The following FAM210A variants were observed in gnomAD, a reference collection of about 807,000 sequenced individuals.
FAM210A encodes mitochondrial inner membrane scaffold 1.
In FAM210A, 13 loss-of-function variants were observed where a neutral mutation model predicts 25.3. That is an observed-to-expected ratio of 0.51 (90% CI 0.33 to 0.82). The LOEUF is 0.82. Among genes scored for constraint, FAM210A ranks in the 40% least tolerant of loss-of-function variants. FAM210A has a pLI of 0.02. For missense variants in FAM210A, 319 were observed against 323.2 expected (o/e 0.99, Z 0.10); for synonymous variants, 125 against 118.7 (o/e 1.05, Z -0.35).
chr18:13,725,421 G>C (rs1009259502), intron 1 of FAM210A, among the ~76,000 whole-genome samples: 1 of 152,192 alleles, frequency 6.6e-6, no homozygotes, highest in Admixed American at 6.5e-5. Flanking sequence ...GAAGTGATTA[G>C]ATTGGAAAGC....
chr18:13,689,477 C>A (rs1376350703), intron 1 of FAM210A, among the ~76,000 whole-genome samples: 1 of 152,184 alleles, frequency 6.6e-6, no homozygotes, highest in East Asian at 1.9e-4. Context: ...AATTTCTCAG[C>A]AAACTTGGAG....
At chr18:13,683,807 C>A (rs1391857140) in intron 1 of FAM210A, among the ~76,000 whole-genome samples, 1 of 152,116 alleles carries the variant, frequency 6.6e-6, no homozygotes. Flanking sequence ...ACAGTGAGAT[C>A]TGAATTAGCA....
At position 13,711,009 on chromosome 18, in the gene FAM210A, CAAGA is replaced by C. The variant is rs531539734; in HGVS notation, c.-29+15316_-29+15319del. On this transcript the variant is annotated intron_variant, in intron 1 of 3. Coordinates refer to ENST00000651643, the MANE Select transcript of FAM210A (RefSeq NM_152352.4). ...CTTCATTGTTGTATAGATATGCCAT[CAAGA>C]AAGTAGGTCTTTATGTGATGTTTGC... Among the ~76,000 whole-genome samples, 43 of 152,344 alleles carry C rather than the reference CAAGA, an allele frequency of 2.8e-4. No homozygotes were observed. The South Asian group carries it at 8.5e-3, about 30-fold the overall frequency.
intron 3 of FAM210A, among the ~76,000 whole-genome samples, chr18:13,667,360 CT>C (rs1344278154): frequency 1.3e-5 from 2 of 152,196 alleles, no homozygotes; most frequent in African/African-American, 4.8e-5. Context: ...AGGACCAATA[CT>C]AAATAGCAGA....
At chr18:13,680,017 T>C (rs2043538018) in intron 2 of FAM210A, among the ~76,000 whole-genome samples, 1 of 152,210 alleles carries the variant, frequency 6.6e-6, no homozygotes, top group East Asian at 1.9e-4. Flanking sequence ...AGCTTGAATT[T>C]CTCCCTCTAA....
chr18:13,683,610 C>T (rs973328867), intron 1 of FAM210A, among the ~76,000 whole-genome samples: 1 of 144,128 alleles, frequency 6.9e-6, no homozygotes, highest in African/African-American at 2.6e-5. Context: ...CAGATAATTA[C>T]TTAGCCTCTC....
At chr18:13,700,226 G>A (rs968768526) in intron 1 of FAM210A, among the ~76,000 whole-genome samples, 2 of 152,132 alleles carry the variant, frequency 1.3e-5, no homozygotes, top group African/African-American at 4.8e-5. Flanking sequence ...TCCCACCTTG[G>A]GTTCAATTAA....
chr18:13,690,509 G>A (rs2043634416), intron 1 of FAM210A, among the ~76,000 whole-genome samples: 1 of 152,178 alleles, frequency 6.6e-6, no homozygotes, highest in Non-Finnish European at 1.5e-5. Flanking sequence ...CTCCCAGTAG[G>A]GGCCGACTGA....
At chr18:13,697,528 A>G in intron 1 of FAM210A, 1 of 162,208 alleles carries the variant, frequency 6.2e-6, no homozygotes, top group Non-Finnish European at 1.3e-5. Flanking sequence ...GGTTCTTAAA[A>G]AGATAAACAT....
intron 1 of FAM210A, among the ~76,000 whole-genome samples, chr18:13,697,268 A>C (rs1416467505): frequency 6.6e-6 from 1 of 152,214 alleles, no homozygotes; most frequent in Non-Finnish European, 1.5e-5. Flanking sequence ...CAAAATGGGA[A>C]AAAGATCTGA....
At chr18:13,682,522 C>G (rs761701565) in intron 1 of FAM210A, among the ~76,000 whole-genome samples, 12 of 152,090 alleles carry the variant, frequency 7.9e-5, no homozygotes, top group Admixed American at 6.5e-4. Flanking sequence ...GATCTGAGAT[C>G]GGGCCACTGC....
intron 1 of FAM210A, among the ~76,000 whole-genome samples, chr18:13,706,461 G>A (rs1052991464): frequency 5.9e-5 from 9 of 152,068 alleles, no homozygotes; most frequent in Admixed American, 5.2e-4. Context: ...GATAAAACAC[G>A]AAGCCCCAAT....
rs929569552 is a variant in FAM210A, at chr18:13,681,781, A to G, written c.297T>C (p.Ser99=). 1 of 1,614,174 alleles carries G rather than the reference A, an allele frequency of 6.2e-7. No individual in the cohort carries two copies. Among genetic ancestry groups the G allele is most frequent in the Non-Finnish European group, 8.5e-7 (1 of 1,180,042 alleles). Residue 99 remains serine, a synonymous_variant, in exon 2 of 4, where the codon AGT becomes AGC. Coordinates refer to ENST00000651643, the MANE Select transcript of FAM210A (RefSeq NM_152352.4). ...HVSFRRVFSS[S]ATAQGTPEKK... is the part of the protein sequence containing the mutation. ...TTTCCGGAGTTCCCTGAGCTGTGGCACTGGATGAAAAAACCCTCCTGAATG... is the reference window on the plus strand; with the variant it reads ...TTTCCGGAGTTCCCTGAGCTGTGGCGCTGGATGAAAAAACCCTCCTGAATG...
At chr18:13,691,073 A>G (rs1459643844) in intron 1 of FAM210A, among the ~76,000 whole-genome samples, 1 of 152,242 alleles carries the variant, frequency 6.6e-6, no homozygotes, top group Non-Finnish European at 1.5e-5. Context: ...GACCCGATGG[A>G]GCTGAAAACC....
chr18:13,677,930 T>C (rs1238358109), intron 2 of FAM210A, among the ~76,000 whole-genome samples: 1 of 152,156 alleles, frequency 6.6e-6, no homozygotes, highest in Non-Finnish European at 1.5e-5. Flanking sequence ...TCGGTAGATA[T>C]GGCTGATCAT....
In FAM210A at chr18:13,668,273, C is replaced by T. The variant is rs141530595; in HGVS notation, c.586-1560G>A. ...CCCCTGAACCACTGGAACCATCCCA[C>T]ACAGCTTTCACCTTCCCTTCACTTG... On this transcript the variant is annotated intron_variant, in intron 3 of 3. Transcript: ENST00000651643. 4.2e-3 allele frequency among the ~76,000 whole-genome samples: 644 copies of T among 152,360 alleles called. 5 individuals carry two copies. The highest frequency in any genetic ancestry group is 0.014 in the Middle Eastern group (4 of 294).
At chr18:13,718,388 G>T (rs910429397) in intron 1 of FAM210A, among the ~76,000 whole-genome samples, 3 of 152,136 alleles carry the variant, frequency 2.0e-5, no homozygotes, top group African/African-American at 7.2e-5. Context: ...ATAGTTGTCT[G>T]CATTAGAACT....
intron 2 of FAM210A, among the ~76,000 whole-genome samples, chr18:13,673,911 TTCTTTATTTCCA>T: frequency 1.3e-5 from 1 of 75,976 alleles, no homozygotes; most frequent in East Asian, 4.4e-4. Context: ...GAGCCCTGGC[TTCTTTATTTCCA>T]GTTTCCTGAT....
chr18:13,696,611 G>C (rs907926331), intron 1 of FAM210A, among the ~76,000 whole-genome samples: 1 of 152,180 alleles, frequency 6.6e-6, no homozygotes, highest in Non-Finnish European at 1.5e-5. Flanking sequence ...CGTGTTTGTG[G>C]TGATGATGGT....
Sources: allele counts gnomAD v4.1 joint callset (sites outside exome capture counted in the v4.1 genomes callset), GRCh38; gene constraint gnomAD v4.1.1; transcripts MANE v1.5; gene names NCBI Gene and HGNC (gene_info 2026-07-23, HGNC 2026-07-21).